Variants in BRCA1 observed in about 807,000 individuals in gnomAD.
BRCA1 encodes BRCA1 DNA repair associated, also known as breast cancer type 1 susceptibility protein.
Under a neutral mutation model 173.7 loss-of-function variants are expected in BRCA1, and 140 were observed. The ratio of observed to expected loss-of-function variants is 0.81; its 90% CI spans 0.70 to 0.93. The LOEUF (loss-of-function observed/expected upper bound fraction) is 0.93. BRCA1 is among the 40% of genes least tolerant of loss of function. The probability of loss-of-function intolerance (pLI) is 0.00; values close to 1 mark genes in which losing one functional copy is unlikely to be tolerated. For synonymous variants in BRCA1, 662 were observed against 756.0 expected (o/e 0.88, Z 2.04); for missense variants, 1,983 against 2,172.5 (o/e 0.91, Z 1.73).
intron 18 of BRCA1, among the ~76,000 whole-genome samples, chr17:43,061,739 C>A (rs188215342): frequency 6.0e-4 from 92 of 152,132 alleles, no homozygotes; most frequent in African/African-American, 2.1e-3. Flanking sequence ...CATGCCACCA[C>A]GCTCGACTAA....
At chr17:43,167,791 GC>G in intron 1 of BRCA1, 1 of 153,024 alleles carries the variant, frequency 6.5e-6, no homozygotes, top group Non-Finnish European at 1.5e-5. Flanking sequence ...GTGAGCCACA[GC>G]CCCCGGCCTC....
chr17:43,070,894 T>C (rs1408877197), intron 15 of BRCA1, 34 bp downstream of exon 15: 1 of 1,609,708 alleles, frequency 6.2e-7, no homozygotes, highest in African/African-American at 1.3e-5. Context: ...TGTTAAGTCT[T>C]AGTCATTAGG....
intron 1 of BRCA1, among the ~76,000 whole-genome samples, chr17:43,146,822 T>C (rs2056125237): frequency 6.6e-6 from 1 of 152,254 alleles, no homozygotes; most frequent in Non-Finnish European, 1.5e-5. Context: ...AGATCTTCTC[T>C]GTTGGGGATT....
chr17:43,129,261 G>A (rs1355984902), upstream of BRCA1, among the ~76,000 whole-genome samples: 1 of 152,220 alleles, frequency 6.6e-6, no homozygotes, highest in East Asian at 1.9e-4. Flanking sequence ...TGCTCTTGCT[G>A]AAAGAATTTT....
intron 5 of BRCA1, 90 bp from the exon 6 acceptor site, chr17:43,104,351 C>T: frequency 7.2e-7 from 1 of 1,393,316 alleles, no homozygotes; most frequent in South Asian, 1.2e-5. Context: ...CCTATGTATG[C>T]TCTTTGTTGT....
At chr17:43,100,678 A>ATATAAC (rs1491277616) in intron 6 of BRCA1, among the ~76,000 whole-genome samples, 3,379 of 36,208 alleles carry the variant, frequency 0.093, 911 homozygotes, top group African/African-American at 0.39. Context: ...ATATATATAT[A>ATATAAC]ATATATATAT....
intron 3 of BRCA1, among the ~76,000 whole-genome samples, chr17:43,108,697 ACT>A (rs1233814485): frequency 1.7e-5 from 2 of 116,704 alleles, no homozygotes; most frequent in South Asian, 3.2e-4. Flanking sequence ...ACAGAGGAAG[ACT>A]CTGTCTCAAA....
Position 43,093,695 on chromosome 17 carries a change from C to T in BRCA1, c.1836G>A (p.Arg612=), listed in dbSNP as rs2154418419. ...NSKAPKKNRL[R]RKSSTRHIHA... ...GAATATGCCTGGTAGAAGACTTCCTCCTCAGCCTATTCTTTTTAGGTGCTT... is the reference window on the plus strand; with the variant it reads ...GAATATGCCTGGTAGAAGACTTCCTTCTCAGCCTATTCTTTTTAGGTGCTT... Residue 612 remains arginine (R), a synonymous_variant, in exon 10 of 23, where the codon AGG becomes AGA. Transcript: ENST00000357654. 2 of 1,614,066 alleles carry T rather than the reference C, an allele frequency of 1.2e-6. No homozygotes were observed. Among genetic ancestry groups the T allele is most frequent in the Non-Finnish European group, 1.7e-6 (2 of 1,180,004 alleles).
chr17:43,060,977 A>C (rs374865089), intron 18 of BRCA1, among the ~76,000 whole-genome samples: 1 of 151,978 alleles, frequency 6.6e-6, no homozygotes, highest in African/African-American at 2.4e-5. Context: ...AATAAAAACT[A>C]GTCGGGTGTG....
intron 18 of BRCA1, among the ~76,000 whole-genome samples, chr17:43,058,976 G>C (rs1488994214): frequency 6.6e-6 from 1 of 152,128 alleles, no homozygotes; most frequent in Non-Finnish European, 1.5e-5. Context: ...GAAAACTAAA[G>C]GCAAGAGTAT....
chr17:43,113,810 C>T (rs999469708), intron 3 of BRCA1, among the ~76,000 whole-genome samples: 9 of 152,080 alleles, frequency 5.9e-5, no homozygotes, highest in Non-Finnish European at 1.0e-4. Flanking sequence ...CAGCCAGGCG[C>T]GGTGGCTTAC....
At chr17:43,126,975 C>T (rs572438182), upstream of BRCA1, among the ~76,000 whole-genome samples, 169 of 152,262 alleles carry the variant, frequency 1.1e-3, no homozygotes, top group African/African-American at 3.9e-3. Context: ...CCAGCAGCTG[C>T]AGAGGGTGCG....
upstream of BRCA1, among the ~76,000 whole-genome samples, chr17:43,127,332 G>A (rs1009803486): frequency 9.2e-5 from 14 of 152,216 alleles, no homozygotes; most frequent in Admixed American, 2.0e-4. Flanking sequence ...AGCACTCTGT[G>A]TCTAGCTTGG....
rs80356906 is a variant in BRCA1, at chr17:43,074,337, C to G, written c.4669G>C (p.Asp1557His). ...ACAGCAGATGAAATATTACCTAGAT[C>G]TTGCCTTGGCAAGTAAGATGTTTCC... Reference protein sequence around the residue: ...LTETSYLPRQDLEGTPYLESG... With the variant: ...LTETSYLPRQHLEGTPYLESG... The change falls in exon 14 of 23, where the codon GAT becomes CAT. Residue 1557 changes from aspartate (D) to histidine (H), a missense_variant. By Grantham distance (81) the Asp-to-His change is moderately conservative. Coordinates refer to ENST00000357654, the MANE Select transcript of BRCA1 (RefSeq NM_007294.4). 1.6e-5 allele frequency: 26 copies of G among 1,613,854 alleles called. No homozygotes were observed. Among genetic ancestry groups the G allele is most frequent in the Admixed American group, 1.5e-4 (9 of 59,982 alleles).
intron 14 of BRCA1, among the ~76,000 whole-genome samples, chr17:43,072,052 G>A (rs1203444302): frequency 1.3e-5 from 2 of 151,434 alleles, no homozygotes; most frequent in Non-Finnish European, 2.9e-5. Flanking sequence ...AAAAGTTTAT[G>A]TAAAATGACT....
At chr17:43,141,049 G>C (rs2056071815) in intron 1 of BRCA1, among the ~76,000 whole-genome samples, 1 of 152,214 alleles carries the variant, frequency 6.6e-6, no homozygotes, top group African/African-American at 2.4e-5. Context: ...CTGGCCCTCT[G>C]AGCTATGGTT....
Position 43,063,371 on chromosome 17 carries a change from C to A in BRCA1, c.5155G>T (p.Val1719Leu), listed in dbSNP as rs749465132. ...TTTCTTTCTTTAATAGACTGGGTCA[C>A]CCCTAAAGAGATCATAGAAAAGACA... ...GGKWVVSYFWVTQSIKERKML... is the reference protein window; with the variant it reads ...GGKWVVSYFWLTQSIKERKML... Residue 1719 changes from valine (V) to leucine (L), a missense_variant and splice_region_variant, in exon 18 of 23, where the codon GTG (valine) becomes TTG (leucine). Physicochemically the swap from Val to Leu is conservative, Grantham distance 32 (BLOSUM62 1). Coordinates refer to ENST00000357654, the MANE Select transcript of BRCA1 (RefSeq NM_007294.4). 6.2e-7 allele frequency: 1 copy of A among 1,611,420 alleles called. No individual in the cohort carries two copies. The highest frequency in any genetic ancestry group is 1.7e-5 in the Admixed American group (1 of 59,998).
At chr17:43,126,663 A>G (rs1264839800), upstream of BRCA1, among the ~76,000 whole-genome samples, 6 of 152,374 alleles carry the variant, frequency 3.9e-5, no homozygotes, top group Admixed American at 6.5e-5. Context: ...TCTGTGGTTC[A>G]GAATGCGAGG....
chr17:43,137,329 T>G (rs2056034024), intron 1 of BRCA1, among the ~76,000 whole-genome samples: 1 of 149,374 alleles, frequency 6.7e-6, no homozygotes. Flanking sequence ...TTAATGTAAA[T>G]GACGAGTTAA....
Sources: gnomAD v4.1 joint callset for allele counts (sites outside exome capture counted in the v4.1 genomes callset) on GRCh38, gnomAD v4.1.1 for gene constraint, MANE v1.5 for transcripts, NCBI Gene and HGNC (gene_info 2026-07-23, HGNC 2026-07-21) for gene names.